The following IL1RAPL2 variants were observed in gnomAD, a reference collection of about 807,000 sequenced individuals.
IL1RAPL2 encodes X-linked interleukin-1 receptor accessory protein-like 2.
Under a neutral mutation model 44.1 loss-of-function variants are expected in IL1RAPL2, and 3 were observed. The observed-to-expected ratio is 0.07, with a 90% CI of 0.03 to 0.18. The LOEUF (loss-of-function observed/expected upper bound fraction) is 0.18. Among genes scored for constraint, IL1RAPL2 ranks in the 10% least tolerant of loss-of-function variants. IL1RAPL2 has a pLI of 1.00. For synonymous variants in IL1RAPL2, 181 were observed against 178.8 expected, an observed-to-expected ratio of 1.01 and a Z score of -0.10; for missense variants, 391 against 496.4, an observed-to-expected ratio of 0.79 and a Z score of 2.02.
At chrX:104,957,118 T>C (rs1020932466) in intron 2 of IL1RAPL2, among the ~76,000 whole-genome samples, 1 of 112,352 alleles carries the variant, frequency 8.9e-6, no homozygotes, top group African/African-American at 3.2e-5. Flanking sequence ...TAGTAAAAAC[T>C]GGACAGTCCT....
intron 8 of IL1RAPL2, among the ~76,000 whole-genome samples, chrX:105,745,737 G>A (rs768379232): frequency 1.8e-5 from 2 of 111,218 alleles, no homozygotes; most frequent in Non-Finnish European, 1.9e-5. Flanking sequence ...AGGCTGAAAT[G>A]CAGTGGCTCA....
intron 2 of IL1RAPL2, among the ~76,000 whole-genome samples, chrX:104,763,456 C>T (rs1286955830): frequency 8.9e-6 from 1 of 112,186 alleles, no homozygotes; most frequent in African/African-American, 3.2e-5. Context: ...ATTGTTCCAA[C>T]CTCTGCCTGT....
chrX:104,908,810 T>C (rs1392011714), intron 2 of IL1RAPL2, among the ~76,000 whole-genome samples: 1 of 109,106 alleles, frequency 9.2e-6, no homozygotes, highest in Non-Finnish European at 1.9e-5. Context: ...AGGAGTATCT[T>C]TGTGGCGTTC....
chrX:104,662,609 T>G (rs1426080151), intron 2 of IL1RAPL2, among the ~76,000 whole-genome samples: 1 of 111,475 alleles, frequency 9.0e-6, no homozygotes. Context: ...TAAAACTAAT[T>G]TTTAATAGGG....
chrX:104,889,980 T>G (rs1268334212), intron 2 of IL1RAPL2, among the ~76,000 whole-genome samples: 1 of 110,519 alleles, frequency 9.0e-6, no homozygotes, highest in Non-Finnish European at 1.9e-5. Context: ...TCCTGGTGTG[T>G]GATGTTCCCC....
intron 7 of IL1RAPL2, among the ~76,000 whole-genome samples, chrX:105,718,891 G>A (rs1196459066): frequency 9.0e-6 from 1 of 111,288 alleles, no homozygotes; most frequent in African/African-American, 3.3e-5. Context: ...GGATGTTGAG[G>A]TGGCAGTGAG....
At chrX:105,102,148 C>A (rs1175780525) in intron 2 of IL1RAPL2, among the ~76,000 whole-genome samples, 1 of 111,277 alleles carries the variant, frequency 9.0e-6, no homozygotes, top group Non-Finnish European at 1.9e-5. Context: ...TTAGCTGGGC[C>A]CAAGTTTCTG....
intron 6 of IL1RAPL2, among the ~76,000 whole-genome samples, chrX:105,535,909 AAAG>A (rs1467531794): frequency 1.8e-5 from 2 of 111,356 alleles, no homozygotes; most frequent in Non-Finnish European, 3.8e-5. Flanking sequence ...TTACACCAAA[AAAG>A]GCAGCTTACT....
intron 2 of IL1RAPL2, among the ~76,000 whole-genome samples, chrX:104,698,793 A>T (rs906214565): frequency 3.1e-4 from 35 of 111,766 alleles, no homozygotes; most frequent in African/African-American, 1.1e-3. Context: ...TTAGTAATGG[A>T]TAATGTAGAA....
chrX:105,581,795 T>C (rs1471857556), intron 6 of IL1RAPL2, among the ~76,000 whole-genome samples: 1 of 111,543 alleles, frequency 9.0e-6, no homozygotes, highest in Non-Finnish European at 1.9e-5. Flanking sequence ...CCAAGCAGTA[T>C]ATAAAATTGT....
chrX:104,660,866 C>G (rs1465386229), intron 2 of IL1RAPL2, among the ~76,000 whole-genome samples: 4 of 105,982 alleles, frequency 3.8e-5, no homozygotes, highest in African/African-American at 1.4e-4. Context: ...GCCTGTGAAG[C>G]AGAGGTTGGT....
At chrX:104,947,514 T>A (rs1315926938) in intron 2 of IL1RAPL2, among the ~76,000 whole-genome samples, 3 of 102,111 alleles carry the variant, frequency 2.9e-5, no homozygotes, top group Non-Finnish European at 4.0e-5. Flanking sequence ...TGAATGGTAA[T>A]GCCTAGGTTT....
At chrX:104,938,316 A>G (rs187033071) in intron 2 of IL1RAPL2, among the ~76,000 whole-genome samples, 1 of 111,984 alleles carries the variant, frequency 8.9e-6, no homozygotes, top group Non-Finnish European at 1.9e-5. Flanking sequence ...TTCTTGTCCA[A>G]TATCAATATG....
intron 2 of IL1RAPL2, among the ~76,000 whole-genome samples, chrX:104,830,425 G>A (rs1446686754): frequency 9.0e-6 from 1 of 111,722 alleles, no homozygotes; most frequent in Non-Finnish European, 1.9e-5. Flanking sequence ...CTTACTAGGT[G>A]ACAGCAGCAG....
At chrX:105,437,450 G>A (rs953673271) in intron 5 of IL1RAPL2, among the ~76,000 whole-genome samples, 1 of 110,559 alleles carries the variant, frequency 9.0e-6, no homozygotes, top group African/African-American at 3.3e-5. Flanking sequence ...AAGTGACCCC[G>A]GTAACAATGT....
At chrX:105,590,077 G>A (rs1326984830) in intron 6 of IL1RAPL2, among the ~76,000 whole-genome samples, 2 of 111,296 alleles carry the variant, frequency 1.8e-5, no homozygotes, top group Admixed American at 1.9e-4. Context: ...AATTCTCATT[G>A]TAGATATATT....
intron 5 of IL1RAPL2, among the ~76,000 whole-genome samples, chrX:105,343,456 T>G (rs1240281228): frequency 8.9e-6 from 1 of 112,187 alleles, no homozygotes; most frequent in Non-Finnish European, 1.9e-5. Flanking sequence ...GTATGGTGCT[T>G]TTTAAAACTT....
intron 6 of IL1RAPL2, among the ~76,000 whole-genome samples, chrX:105,565,732 A>G (rs1247415535): frequency 8.9e-6 from 1 of 112,165 alleles, no homozygotes; most frequent in Non-Finnish European, 1.9e-5. Context: ...TCTTCCATCA[A>G]AGTCTATACT....
Position 105,545,102 on chromosome X carries a change from T to TA in IL1RAPL2, c.772+60722dup, listed in dbSNP as rs776430899. On this transcript the variant is annotated intron_variant, in intron 6 of 10. Coordinates refer to ENST00000372582, the MANE Select transcript of IL1RAPL2 (RefSeq NM_017416.2). ...TATTGCTTCATGTAATCTTAATCTTTAAAAAAAGTATAGAGTGTTTTATTA... is the reference window on the plus strand; with the variant it reads ...TATTGCTTCATGTAATCTTAATCTTTAAAAAAAAGTATAGAGTGTTTTATTA... 2.5e-3 allele frequency among the ~76,000 whole-genome samples: 276 copies of TA among 111,912 alleles called. 1 individual carries two copies. In the Middle Eastern group the frequency reaches 0.028, roughly 11 times the overall value.
Sources: allele counts gnomAD v4.1 joint callset (sites outside exome capture counted in the v4.1 genomes callset), GRCh38; gene constraint gnomAD v4.1.1; transcripts MANE v1.5; gene names NCBI Gene and HGNC (gene_info 2026-07-23, HGNC 2026-07-21).